PDE4D: variants seen among roughly 807,000 people sequenced by gnomAD.
PDE4D encodes phosphodiesterase 4D.
A neutral mutation model predicts 87.4 loss-of-function variants in PDE4D; 24 were observed. That is an observed-to-expected ratio of 0.27 (90% confidence interval 0.20 to 0.39). The LOEUF is 0.39. Among genes scored for constraint, PDE4D ranks in the 10% least tolerant of loss-of-function variants. PDE4D has a pLI of 1.00. For synonymous variants in PDE4D, 384 were observed against 383.2 expected (o/e 1.00, Z -0.02); for missense variants, 714 against 1,041.0 (o/e 0.69, Z 4.32).
chr5:59,497,327 A>C (rs1807405865), intron 1 of PDE4D, among the ~76,000 whole-genome samples: 1 of 152,176 alleles, frequency 6.6e-6, no homozygotes, highest in Non-Finnish European at 1.5e-5. Flanking sequence ...GCTCCCAAGC[A>C]ATGAACCCTA....
At chr5:60,191,624 T>C (rs1785205638) in intron 1 of PDE4D, among the ~76,000 whole-genome samples, 1 of 152,140 alleles carries the variant, frequency 6.6e-6, no homozygotes, top group East Asian at 1.9e-4. Context: ...TTTATAGCAG[T>C]ATGAAAACAA....
At chr5:59,003,377 C>T (rs1269684327) in intron 6 of PDE4D, among the ~76,000 whole-genome samples, 1 of 152,216 alleles carries the variant, frequency 6.6e-6, no homozygotes, top group Non-Finnish European at 1.5e-5. Flanking sequence ...ACAATCCCAT[C>T]TCTGTCTTAC....
chr5:59,322,567 T>G (rs1774902375), intron 1 of PDE4D, among the ~76,000 whole-genome samples: 1 of 152,146 alleles, frequency 6.6e-6, no homozygotes, highest in Non-Finnish European at 1.5e-5. Context: ...TTATGGCTTA[T>G]GGGTCAAATC....
At chr5:60,055,951 AGAAAG>A (rs1770731444) in intron 2 of PDE4D, among the ~76,000 whole-genome samples, 1 of 152,096 alleles carries the variant, frequency 6.6e-6, no homozygotes, top group Non-Finnish European at 1.5e-5. Context: ...AAGGAAGGGA[AGAAAG>A]GAAAGAAAGA....
At chr5:59,441,486 T>G (rs1242063492) in intron 1 of PDE4D, among the ~76,000 whole-genome samples, 1 of 152,220 alleles carries the variant, frequency 6.6e-6, no homozygotes, top group East Asian at 1.9e-4. Flanking sequence ...TCGGTTCTTT[T>G]GGCAGTTCCG....
At chr5:59,310,155 G>A (rs1443514615) in intron 1 of PDE4D, among the ~76,000 whole-genome samples, 1 of 152,156 alleles carries the variant, frequency 6.6e-6, no homozygotes, top group African/African-American at 2.4e-5. Flanking sequence ...GGGTGATAGG[G>A]CTTGAGCCTA....
intron 1 of PDE4D, among the ~76,000 whole-genome samples, chr5:59,504,463 A>C (rs1208757643): frequency 6.6e-6 from 1 of 152,190 alleles, no homozygotes; most frequent in Non-Finnish European, 1.5e-5. Context: ...CAATATAAAC[A>C]CGTGCTTTAA....
intron 1 of PDE4D, among the ~76,000 whole-genome samples, chr5:60,445,837 A>C (rs1745598931): frequency 6.6e-6 from 1 of 152,308 alleles, no homozygotes; most frequent in East Asian, 1.9e-4. Context: ...TCACATGCAC[A>C]AAAACTTCTC....
chr5:59,039,177 G>C (rs1759142963), intron 5 of PDE4D: 3 of 1,357,230 alleles, frequency 2.2e-6, no homozygotes, highest in East Asian at 3.1e-5. Context: ...GGGGAGGCAC[G>C]GTCTCTCCAG....
At chr5:59,190,052 A>G (rs1743964780) in intron 3 of PDE4D, among the ~76,000 whole-genome samples, 1 of 152,158 alleles carries the variant, frequency 6.6e-6, no homozygotes, top group Non-Finnish European at 1.5e-5. Context: ...TTCTCCTCTA[A>G]TTTAGGATTT....
chr5:60,126,201 TAA>T (rs35748948), intron 2 of PDE4D, among the ~76,000 whole-genome samples: 12 of 133,070 alleles, frequency 9.0e-5, no homozygotes, highest in Non-Finnish European at 1.3e-4. Flanking sequence ...AGAGTTTTGC[TAA>T]AAAAAAAAAA....
intron 1 of PDE4D, among the ~76,000 whole-genome samples, chr5:59,295,705 T>C (rs1011247671): frequency 2.0e-5 from 3 of 152,072 alleles, no homozygotes; most frequent in Admixed American, 6.6e-5. Context: ...AACCGTCATG[T>C]GAATATCGTG....
intron 3 of PDE4D, among the ~76,000 whole-genome samples, chr5:59,969,293 T>C (rs973845127): frequency 2.0e-5 from 3 of 152,162 alleles, no homozygotes; most frequent in African/African-American, 7.2e-5. Flanking sequence ...CTTTCTATTT[T>C]ACAAAGGAAG....
chr5:59,362,942 T>C (rs1251188424), intron 1 of PDE4D, among the ~76,000 whole-genome samples: 2 of 152,182 alleles, frequency 1.3e-5, no homozygotes, highest in Non-Finnish European at 2.9e-5. Context: ...TATCCATTTG[T>C]TGGAGCCAAC....
intron 3 of PDE4D, among the ~76,000 whole-genome samples, chr5:59,929,056 T>A (rs1332698465): frequency 6.6e-6 from 1 of 151,914 alleles, no homozygotes; most frequent in Non-Finnish European, 1.5e-5. Flanking sequence ...TAGATGTACT[T>A]AAAGATTTTC....
chr5:60,033,678 G>A (rs996021991), intron 2 of PDE4D, among the ~76,000 whole-genome samples: 5 of 152,298 alleles, frequency 3.3e-5, no homozygotes, highest in Middle Eastern at 6.8e-3. Context: ...AGGATTTAGA[G>A]ATTCTACCCA....
chr5:59,283,318 T>G (rs1037130892), intron 1 of PDE4D, among the ~76,000 whole-genome samples: 2 of 152,216 alleles, frequency 1.3e-5, no homozygotes, highest in African/African-American at 4.8e-5. Context: ...CTTTGGATCC[T>G]GTCCCCTTGA....
At chr5:59,128,015 CGTGTGT>C (rs55796726) in intron 5 of PDE4D, among the ~76,000 whole-genome samples, 197 of 144,420 alleles carry the variant, frequency 1.4e-3, no homozygotes, top group African/African-American at 4.5e-3. Flanking sequence ...CTTTCAGAGC[CGTGTGT>C]GTGTGTGTGT....
intron 6 of PDE4D, among the ~76,000 whole-genome samples, chr5:59,035,737 T>C (rs1300129010): frequency 6.6e-6 from 1 of 152,170 alleles, no homozygotes; most frequent in Admixed American, 6.5e-5. Flanking sequence ...AACAAAACCA[T>C]AATTCAACTT....
Sources: allele counts gnomAD v4.1 joint callset (sites outside exome capture counted in the v4.1 genomes callset), GRCh38; gene constraint gnomAD v4.1.1; transcripts MANE v1.5; gene names NCBI Gene and HGNC (gene_info 2026-07-23, HGNC 2026-07-21).